Variants in DGCR2 observed in about 807,000 individuals in gnomAD.
The protein encoded by DGCR2 is integral membrane protein DGCR2/IDD.
A neutral mutation model predicts 51.6 loss-of-function variants in DGCR2; 24 were observed. That is an observed-to-expected ratio of 0.47 (90% CI 0.34 to 0.65). The LOEUF (loss-of-function observed/expected upper bound fraction) is 0.65, where lower values mean the gene tolerates loss of function less well. Among genes scored for constraint, DGCR2 ranks in the 30% least tolerant of loss-of-function variants. The pLI is 0.01. For missense variants in DGCR2, 765 were observed against 772.1 expected (o/e 0.99, Z 0.11); for synonymous variants, 340 against 315.4 (o/e 1.08, Z -0.82).
intron 1 of DGCR2, among the ~76,000 whole-genome samples, chr22:19,116,047 C>T (rs1036716092): frequency 2.0e-5 from 3 of 152,218 alleles, no homozygotes; most frequent in Non-Finnish European, 4.4e-5. Context: ...AGCTCTGTTA[C>T]GATGTCCATG....
intron 1 of DGCR2, among the ~76,000 whole-genome samples, chr22:19,120,634 G>A (rs895447356): frequency 2.0e-5 from 3 of 152,158 alleles, no homozygotes; most frequent in Non-Finnish European, 2.9e-5. Flanking sequence ...TGGAACCAGA[G>A]GCACCCCAAA....
chr22:19,072,532 A>G (rs887529121), intron 2 of DGCR2, among the ~76,000 whole-genome samples: 3 of 152,216 alleles, frequency 2.0e-5, no homozygotes, highest in African/African-American at 7.2e-5. Flanking sequence ...AACATCCTCA[A>G]AGTGAGAGGT....
At chr22:19,050,759 A>C (rs1364948049) in intron 6 of DGCR2, among the ~76,000 whole-genome samples, 1 of 152,240 alleles carries the variant, frequency 6.6e-6, no homozygotes, top group Non-Finnish European at 1.5e-5. Context: ...TAAGTCTCAC[A>C]TCTTATTAAA....
At chr22:19,083,298 T>C (rs1476882728) in intron 2 of DGCR2, among the ~76,000 whole-genome samples, 1 of 152,166 alleles carries the variant, frequency 6.6e-6, no homozygotes, top group Non-Finnish European at 1.5e-5. Context: ...GCTTCTTAGG[T>C]CTGTTTCTGA....
In DGCR2 at chr22:19,044,076, C is replaced by G. The variant is rs2082461792; in HGVS notation, c.1007-2117G>C. The stretch of plus-strand genomic sequence containing the variant: ...CCCAGGGGAGCTCCTAAGAAAGCAG[C>G]CCCTTTGCAATGACTAACTCTTAAT... On this transcript the variant is annotated intron_variant, in intron 7 of 9. Transcript: ENST00000263196. Among the ~76,000 whole-genome samples, 4 of 152,314 alleles carry G rather than the reference C, an allele frequency of 2.6e-5. No individual in the cohort carries two copies. In the South Asian group the frequency reaches 8.3e-4, roughly 32 times the overall value.
In DGCR2 at chr22:19,038,709, G is replaced by T. The variant is rs935094456; in HGVS notation, c.*156C>A. 3.5e-5 allele frequency: 34 copies of T among 974,000 alleles called. No individual in the cohort carries two copies. The highest frequency in any genetic ancestry group is 4.4e-5 in the Non-Finnish European group (29 of 661,312). The allele number at this position is 974,000 out of a possible 1,614,324, so 60.3% of individuals were successfully genotyped here. On this transcript the variant is annotated 3_prime_UTR_variant, in exon 10 of 10. Coordinates refer to ENST00000263196, the MANE Select transcript of DGCR2 (RefSeq NM_005137.3). ...GCCATCACTTCTTTTGGCAGAAGGC[G>T]GGCTGTGGTCTCTATGTACACACGC...
intron 6 of DGCR2, among the ~76,000 whole-genome samples, chr22:19,055,443 G>C (rs139480293): frequency 6.6e-6 from 1 of 152,244 alleles, no homozygotes; most frequent in African/African-American, 2.4e-5. Flanking sequence ...TCTAAGTTGA[G>C]AAGACAAGAA....
rs57362176 is a variant in DGCR2 at position 19,119,735 on chromosome 22, CA to C, written c.79+2392del. ...TGAGCAACAGAGCAGGACTCTGTCT[CA>C]AAAAAAAAAAAAAAAAAAAAATTGG... On this transcript the variant is annotated intron_variant, in intron 1 of 9. Coordinates refer to ENST00000263196, the MANE Select transcript of DGCR2 (RefSeq NM_005137.3). 6.2e-3 allele frequency among the ~76,000 whole-genome samples: 488 copies of C among 78,124 alleles called. 2 individuals are homozygous for C. Among genetic ancestry groups the C allele is most frequent in the Admixed American group, 9.3e-3 (63 of 6,756 alleles). 51.3% of individuals were successfully genotyped at this position (78,124 alleles called of 152,430 possible).
At chr22:19,052,193 G>T (rs5993480) in intron 6 of DGCR2, among the ~76,000 whole-genome samples, 35,675 of 152,036 alleles carry the variant, frequency 0.23, 4,726 homozygotes, top group African/African-American at 0.36. Flanking sequence ...GATGCAGGTG[G>T]ATCATCTGAG....
chr22:19,081,879 A>G (rs1456264725), intron 2 of DGCR2, among the ~76,000 whole-genome samples: 1 of 152,188 alleles, frequency 6.6e-6, no homozygotes, highest in Non-Finnish European at 1.5e-5. Flanking sequence ...TAGAATACTA[A>G]CGAGGTTAAA....
At chr22:19,050,634 A>G (rs2082538645) in intron 6 of DGCR2, among the ~76,000 whole-genome samples, 1 of 152,230 alleles carries the variant, frequency 6.6e-6, no homozygotes, top group Non-Finnish European at 1.5e-5. Flanking sequence ...AATAATATGT[A>G]TGGAATGTAG....
intron 5 of DGCR2, among the ~76,000 whole-genome samples, chr22:19,062,578 C>T (rs990801248): frequency 2.6e-5 from 4 of 152,112 alleles, no homozygotes; most frequent in South Asian, 4.1e-4. Flanking sequence ...GGGAGTGTGA[C>T]CCTGGCGGCA....
intron 7 of DGCR2, among the ~76,000 whole-genome samples, chr22:19,043,340 G>C: frequency 6.6e-6 from 1 of 152,246 alleles, no homozygotes; most frequent in South Asian, 2.1e-4. Context: ...GACACACCCT[G>C]CCCTGGTGCA....
At chr22:19,041,609 C>T (rs1046449679) in intron 8 of DGCR2, 198 bp downstream of exon 8, 12 of 667,082 alleles carry the variant, frequency 1.8e-5, no homozygotes, top group Non-Finnish European at 3.0e-5. Flanking sequence ...GAGTTCTGCC[C>T]ACCCTGTGGC....
In DGCR2 at chr22:19,041,888, T is replaced by C. The variant is rs771571566; in HGVS notation, c.1078A>G (p.Ile360Val). The C allele has an allele frequency of 1.3e-5, 21 of 1,613,356 alleles. No homozygotes were observed. Among genetic ancestry groups the C allele is most frequent in the Non-Finnish European group, 1.6e-5 (19 of 1,179,936 alleles). ...LVVSCISSFL[I>V]LSLLLFMVHR... ...ACCATGAAGAGCAGCAGTGACAGGATGAGGAAGGAGGAGATGCAGCTGACG... is the reference window on the plus strand; with the variant it reads ...ACCATGAAGAGCAGCAGTGACAGGACGAGGAAGGAGGAGATGCAGCTGACG... Residue 360 changes from isoleucine to valine, a missense_variant, in exon 8 of 10, where the codon ATC (isoleucine) becomes GTC (valine). Ile to Val is a conservative substitution (Grantham distance 29, BLOSUM62 3). Transcript: ENST00000263196.
At chr22:19,110,167 G>C (rs2105421) in intron 1 of DGCR2, among the ~76,000 whole-genome samples, 65,205 of 152,112 alleles carry the variant, frequency 0.43, 14,337 homozygotes, top group African/African-American at 0.53. Flanking sequence ...TTTAACACAC[G>C]AAAAACTCTA....
chr22:19,046,858 C>T lies in DGCR2; in HGVS notation c.1006+1582G>A, dbSNP rs539973587. The T allele has an allele frequency of 1.1e-4, 30 of 283,904 alleles. 2 individuals carry two copies. The highest frequency in any genetic ancestry group is 5.4e-4 in the South Asian group (21 of 38,718). The allele number at this position is 283,904 out of a possible 1,614,324, so 17.6% of individuals were successfully genotyped here. Reference sequence around the variant, plus strand: ...CTTGGGGCTGGGCAGGCTCTTTAGGCCATACATGCCCACAAATGGGTCATC... The same window carrying T: ...CTTGGGGCTGGGCAGGCTCTTTAGGTCATACATGCCCACAAATGGGTCATC... On this transcript the variant is annotated intron_variant, in intron 7 of 9. Coordinates refer to ENST00000263196, the MANE Select transcript of DGCR2 (RefSeq NM_005137.3).
intron 2 of DGCR2, among the ~76,000 whole-genome samples, chr22:19,069,991 G>A (rs2082795902): frequency 6.6e-6 from 1 of 152,184 alleles, no homozygotes; most frequent in Non-Finnish European, 1.5e-5. Context: ...TGTCTTTGGG[G>A]TACTTTACCA....
chr22:19,112,881 T>A (rs2083331697), intron 1 of DGCR2, among the ~76,000 whole-genome samples: 1 of 144,196 alleles, frequency 6.9e-6, no homozygotes, highest in African/African-American at 2.5e-5. Context: ...TTAAATTAAA[T>A]TCTACTTAAT....
Sources: allele counts gnomAD v4.1 joint callset (sites outside exome capture counted in the v4.1 genomes callset), GRCh38; gene constraint gnomAD v4.1.1; transcripts MANE v1.5; gene names NCBI Gene and HGNC (gene_info 2026-07-23, HGNC 2026-07-21).